LHX8: variants seen among roughly 807,000 people sequenced by gnomAD.
The protein encoded by LHX8 is LIM/homeobox protein Lhx8.
LHX8 carries 12 observed loss-of-function variants against 40.3 expected under a neutral mutation model. The observed-to-expected ratio is 0.30, with a 90% CI of 0.19 to 0.48. The LOEUF (loss-of-function observed/expected upper bound fraction) is 0.48. Ranked by LOEUF, LHX8 falls within the 20% of genes least tolerant of loss-of-function variation. The pLI, the probability that LHX8 is intolerant of heterozygous loss-of-function variation, is 0.99. For synonymous variants in LHX8, 179 were observed against 162.0 expected (o/e 1.10, Z -0.80); for missense variants, 344 against 433.7 (o/e 0.79, Z 1.84).
the LHX8 span, among the ~76,000 whole-genome samples, chr1:75,195,046 AGCCTAAGAG>A: frequency 6.6e-6 from 1 of 152,212 alleles, no homozygotes; most frequent in East Asian, 1.9e-4. Flanking sequence ...TTAGAGTCTA[AGCCTAAGAG>A]GCTAAGTGGG....
At position 75,142,798 on chromosome 1, in the gene LHX8, A is replaced by G. The variant is rs188042104; in HGVS notation, c.360-320A>G. 1.6e-3 allele frequency among the ~76,000 whole-genome samples: 240 copies of G among 152,256 alleles called. 1 individual carries two copies. Among genetic ancestry groups the G allele is most frequent in the African/African-American group, 5.6e-3 (231 of 41,568 alleles). ...TATGTGTGTTTATCTTGATTCTTTAAGTAAATTTATAAATGCACTGATATT... is the reference window on the plus strand; with the variant it reads ...TATGTGTGTTTATCTTGATTCTTTAGGTAAATTTATAAATGCACTGATATT... On this transcript the variant is annotated intron_variant, in intron 4 of 8. Transcript: ENST00000356261.
At chr1:75,132,881 A>G (rs937536123), upstream of LHX8, 4 of 152,166 alleles carry the variant, frequency 2.6e-5, no homozygotes, top group Non-Finnish European at 5.9e-5. Flanking sequence ...AATGTTCTGC[A>G]CGACTCTGAC....
upstream of LHX8, among the ~76,000 whole-genome samples, chr1:75,133,283 C>T (rs1205387119): frequency 6.6e-6 from 1 of 152,064 alleles, no homozygotes; most frequent in Non-Finnish European, 1.5e-5. Context: ...AGTGGTAACT[C>T]GGTCCCAGAC....
intron 4 of LHX8, among the ~76,000 whole-genome samples, 195 bp downstream of exon 4, chr1:75,141,301 T>G (rs894699423): frequency 2.0e-5 from 3 of 152,168 alleles, no homozygotes; most frequent in African/African-American, 7.2e-5. Flanking sequence ...TTTTGGGAAT[T>G]CAGTAGACAA....
At chr1:75,180,037 T>C in the LHX8 span, among the ~76,000 whole-genome samples, 1 of 152,244 alleles carries the variant, frequency 6.6e-6, no homozygotes, top group Non-Finnish European at 1.5e-5. Flanking sequence ...TTCTGGCTTG[T>C]AGAGTTTCTG....
chr1:75,187,782 A>G, the LHX8 span, among the ~76,000 whole-genome samples: 2 of 152,164 alleles, frequency 1.3e-5, no homozygotes, highest in African/African-American at 4.8e-5. Context: ...GGGTCACCTG[A>G]AGGATACTAA....
the LHX8 span, among the ~76,000 whole-genome samples, chr1:75,184,391 A>G: frequency 6.6e-6 from 1 of 152,280 alleles, no homozygotes; most frequent in African/African-American, 2.4e-5. Flanking sequence ...CTTAGCAAAT[A>G]GGAAAAAACT....
chr1:75,137,524 T>C (rs1252915052), intron 3 of LHX8, among the ~76,000 whole-genome samples: 1 of 152,154 alleles, frequency 6.6e-6, no homozygotes, highest in Non-Finnish European at 1.5e-5. Context: ...GTGGATGCGC[T>C]GGAGTCAGCC....
At chr1:75,173,590 G>T in the LHX8 span, among the ~76,000 whole-genome samples, 2 of 151,756 alleles carry the variant, frequency 1.3e-5, no homozygotes, top group Non-Finnish European at 2.9e-5. Context: ...CACCGTGTTA[G>T]CCAAGATGGT....
At chr1:75,158,256 G>T (rs1648823424) in intron 8 of LHX8, among the ~76,000 whole-genome samples, 1 of 151,910 alleles carries the variant, frequency 6.6e-6, no homozygotes, top group African/African-American at 2.4e-5. Flanking sequence ...AAATGGATTT[G>T]CTTAATTTCT....
rs1648069841 is a variant in LHX8, at chr1:75,134,749, A to G, written c.-218A>G. 5.7e-6 allele frequency: 1 copy of G among 175,802 alleles called. No individual in the cohort carries two copies. 10.9% of individuals were successfully genotyped at this position (175,802 alleles called of 1,614,324 possible). ...GACCAGCTGAATCGCAGTGTCCTTG[A>G]AACTCGAGTTGTTTGGGCTCCTAAA... is the stretch of plus-strand genomic sequence containing the variant. On this transcript the variant is annotated 5_prime_UTR_variant, in exon 1 of 9. Coordinates refer to ENST00000356261, the MANE Select transcript of LHX8 (RefSeq NM_001256114.2).
the LHX8 span, among the ~76,000 whole-genome samples, chr1:75,167,698 A>C: frequency 6.6e-6 from 1 of 152,128 alleles, no homozygotes; most frequent in East Asian, 1.9e-4. Context: ...GAGACCCTAG[A>C]CTATTCATGT....
chr1:75,191,264 C>T, the LHX8 span, among the ~76,000 whole-genome samples: 1 of 151,810 alleles, frequency 6.6e-6, no homozygotes, highest in Non-Finnish European at 1.5e-5. Context: ...GGAAAGGGAT[C>T]CAAGACAGGA....
intron 7 of LHX8, among the ~76,000 whole-genome samples, chr1:75,151,159 T>C (rs1648599038): frequency 6.6e-6 from 1 of 152,168 alleles, no homozygotes; most frequent in Non-Finnish European, 1.5e-5. Context: ...CCTAAAGGTT[T>C]CATAATTAAC....
downstream of LHX8, among the ~76,000 whole-genome samples, chr1:75,162,404 G>A (rs562578407): frequency 1.3e-5 from 2 of 152,206 alleles, no homozygotes; most frequent in Non-Finnish European, 2.9e-5. Context: ...TTTACCTGAT[G>A]TCTAGGAAAG....
upstream of LHX8, chr1:75,133,077 C>T (rs926389224): frequency 6.6e-6 from 1 of 152,180 alleles, no homozygotes; most frequent in Non-Finnish European, 1.5e-5. Flanking sequence ...TCTAAGAGGG[C>T]ACAGATTAAT....
chr1:75,143,027 G>T lies in LHX8; in HGVS notation c.360-91G>T, dbSNP rs369956534. 954 of 953,834 alleles carry T rather than the reference G, an allele frequency of 1.0e-3. 16 individuals are homozygous for T. Among genetic ancestry groups the T allele is most frequent in the South Asian group, 9.0e-3 (677 of 75,596 alleles). 59.1% of individuals were successfully genotyped at this position (953,834 alleles called of 1,614,324 possible). A position where few individuals can be genotyped will look rare whatever the true frequency, so the allele number is the denominator to read the frequency against. ...ATTTAAATACTTAGGTTATTTCAAT[G>T]GGGTAAGATAATGTGCTGGTTTAAT... On this transcript the variant is annotated intron_variant, in intron 4 of 8. Transcript: ENST00000356261.
rs1372444126 is a variant in LHX8, at chr1:75,137,132, G to C, written c.108G>C (p.Ser36=). The C allele has an allele frequency of 6.2e-7, 1 of 1,611,092 alleles. No individual in the cohort carries two copies. Among genetic ancestry groups the C allele is most frequent in the Non-Finnish European group, 8.5e-7 (1 of 1,178,552 alleles). The change falls in exon 3 of 9, where the codon TCG becomes TCC. Residue 36 remains serine, a synonymous_variant. Coordinates refer to ENST00000356261, the MANE Select transcript of LHX8 (RefSeq NM_001256114.2). ...CCGAGGGAGCGGGGGACGAGGACTC[G>C]TGCTCCTCCTCGGCCCCGCTGTCCC... ...VSPEGAGDED[S]CSSSAPLSPS... is the part of the protein sequence containing the mutation.
upstream of LHX8, chr1:75,132,375 AGGAGG>A (rs1647995962): frequency 6.6e-6 from 1 of 150,814 alleles, no homozygotes; most frequent in Admixed American, 6.6e-5. Flanking sequence ...TTACAGCTCA[AGGAGG>A]GGTGCGCGCA....
Sources: gnomAD v4.1 joint callset for allele counts (sites outside exome capture counted in the v4.1 genomes callset) on GRCh38, gnomAD v4.1.1 for gene constraint, MANE v1.5 for transcripts, NCBI Gene and HGNC (gene_info 2026-07-23, HGNC 2026-07-21) for gene names.